EXT1: variants seen among roughly 807,000 people sequenced by gnomAD.
EXT1 encodes exostosin-1.
A neutral mutation model predicts 82.5 loss-of-function variants in EXT1; 20 were observed. The observed-to-expected ratio is 0.24, with a 90% CI of 0.17 to 0.35. EXT1 has a LOEUF of 0.35. Among genes scored for constraint, EXT1 ranks in the 10% least tolerant of loss-of-function variants. The probability of loss-of-function intolerance (pLI) is 1.00; values close to 1 mark genes in which losing one functional copy is unlikely to be tolerated. For missense variants in EXT1, 757 were observed against 936.5 expected, an observed-to-expected ratio of 0.81 and a Z score of 2.50; for synonymous variants, 348 against 350.8, an observed-to-expected ratio of 0.99 and a Z score of 0.09.
intron 4 of EXT1, 88 bp from the exon 5 acceptor site, chr8:117,822,685 G>A (rs1689858982): frequency 4.7e-6 from 7 of 1,489,264 alleles, no homozygotes; most frequent in South Asian, 3.4e-5. Flanking sequence ...GAAAGATGGT[G>A]GCAGTCAGAG....
intron 1 of EXT1, among the ~76,000 whole-genome samples, chr8:117,889,861 C>T (rs1484160546): frequency 2.0e-5 from 3 of 152,156 alleles, no homozygotes; most frequent in African/African-American, 7.2e-5. Flanking sequence ...CACTTTACAG[C>T]ATAGAATAAC....
intron 1 of EXT1, among the ~76,000 whole-genome samples, chr8:117,929,673 C>T (rs1814014590): frequency 6.6e-6 from 1 of 152,140 alleles, no homozygotes; most frequent in South Asian, 2.1e-4. Flanking sequence ...AAGGAGTATG[C>T]CAAAGGTGAA....
chr8:117,843,523 A>C (rs1301984851), intron 1 of EXT1, among the ~76,000 whole-genome samples: 1 of 152,144 alleles, frequency 6.6e-6, no homozygotes, highest in African/African-American at 2.4e-5. Flanking sequence ...GCATAGCAGG[A>C]ACAAAGGCAC....
chr8:118,045,891 G>A (rs1816615062), intron 1 of EXT1, among the ~76,000 whole-genome samples: 2 of 151,896 alleles, frequency 1.3e-5, no homozygotes, highest in African/African-American at 4.8e-5. Flanking sequence ...CAACTCCCAG[G>A]TTGAAGCGAT....
At chr8:117,843,701 C>T (rs911761494) in intron 1 of EXT1, among the ~76,000 whole-genome samples, 3 of 152,136 alleles carry the variant, frequency 2.0e-5, no homozygotes, top group Admixed American at 6.6e-5. Context: ...AGAAGAATGA[C>T]ATGGTACCAA....
chr8:117,944,857 A>T (rs1475369479), intron 1 of EXT1, among the ~76,000 whole-genome samples: 2 of 152,170 alleles, frequency 1.3e-5, no homozygotes, highest in Non-Finnish European at 2.9e-5. Context: ...GTCTATGCTC[A>T]GTGCTAAAAA....
intron 5 of EXT1, 31 bp from the exon 6 acceptor site, chr8:117,819,825 AAGC>A (rs777244016): frequency 1.3e-6 from 2 of 1,589,616 alleles, no homozygotes; most frequent in Non-Finnish European, 8.6e-7. Flanking sequence ...GAGCCTAATG[AAGC>A]GCTGGAAAGC....
chr8:117,831,645 TA>T (rs1812100299), intron 3 of EXT1: 4 of 471,070 alleles, frequency 8.5e-6, no homozygotes, highest in Non-Finnish European at 1.8e-5. Flanking sequence ...ATCCGACAGA[TA>T]TGGGAGTCTG....
At chr8:117,896,796 A>T (rs1813346726) in intron 1 of EXT1, among the ~76,000 whole-genome samples, 1 of 152,196 alleles carries the variant, frequency 6.6e-6, no homozygotes, top group Non-Finnish European at 1.5e-5. Context: ...AGTCTTCTTA[A>T]TTACATTGAG....
At chr8:118,091,356 C>A (rs557020788) in intron 1 of EXT1, among the ~76,000 whole-genome samples, 16 of 152,272 alleles carry the variant, frequency 1.1e-4, no homozygotes, top group African/African-American at 3.1e-4. Context: ...CTATTTCGAA[C>A]CTCAAGGAGG....
chr8:117,977,658 T>C (rs1275045253), intron 1 of EXT1, among the ~76,000 whole-genome samples: 2 of 152,124 alleles, frequency 1.3e-5, no homozygotes, highest in Admixed American at 1.3e-4. Flanking sequence ...AATCCTTGCA[T>C]GAAAGAAAAT....
chr8:117,917,207 C>A (rs895280084), intron 1 of EXT1, among the ~76,000 whole-genome samples: 1 of 152,152 alleles, frequency 6.6e-6, no homozygotes, highest in Admixed American at 6.5e-5. Flanking sequence ...GGCGCTGTGG[C>A]TCACACCTGT....
At chr8:117,921,610 T>C (rs1466473103) in intron 1 of EXT1, among the ~76,000 whole-genome samples, 1 of 152,202 alleles carries the variant, frequency 6.6e-6, no homozygotes, top group Non-Finnish European at 1.5e-5. Context: ...CTGATGTCCA[T>C]ACAGATAAAA....
chr8:118,036,039 C>A (rs776550723), intron 1 of EXT1, among the ~76,000 whole-genome samples: 1 of 151,658 alleles, frequency 6.6e-6, no homozygotes, highest in Non-Finnish European at 1.5e-5. Context: ...TTTTACTATT[C>A]TGTTTCTTGC....
At chr8:118,007,213 C>T (rs956503084) in intron 1 of EXT1, among the ~76,000 whole-genome samples, 2 of 151,976 alleles carry the variant, frequency 1.3e-5, no homozygotes, top group Non-Finnish European at 2.9e-5. Context: ...AGGAGAACGG[C>T]GTGAACCCAG....
intron 1 of EXT1, among the ~76,000 whole-genome samples, chr8:117,839,734 C>T (rs1812244614): frequency 6.6e-6 from 1 of 152,224 alleles, no homozygotes; most frequent in African/African-American, 2.4e-5. Context: ...TCCTCTCCTA[C>T]TCAGCCCATT....
At chr8:117,964,073 A>G (rs560518014) in intron 1 of EXT1, among the ~76,000 whole-genome samples, 24 of 152,344 alleles carry the variant, frequency 1.6e-4, no homozygotes, top group Non-Finnish European at 2.2e-4. Context: ...GTGCATTGCC[A>G]AAGAAACTGC....
intron 3 of EXT1, among the ~76,000 whole-genome samples, chr8:117,833,578 G>A (rs1022426868): frequency 9.9e-5 from 15 of 151,380 alleles, no homozygotes; most frequent in Non-Finnish European, 2.9e-5. Context: ...TCATGCCATG[G>A]CACTCCAGCT....
At chr8:117,816,847 G>C (rs889281758) in intron 7 of EXT1, among the ~76,000 whole-genome samples, 1 of 152,182 alleles carries the variant, frequency 6.6e-6, no homozygotes, top group Admixed American at 6.5e-5. Flanking sequence ...TTATCCACCA[G>C]AAGCAGAGCT....
Sources: gnomAD v4.1 joint callset for allele counts (sites outside exome capture counted in the v4.1 genomes callset) on GRCh38, gnomAD v4.1.1 for gene constraint, MANE v1.5 for transcripts, NCBI Gene and HGNC (gene_info 2026-07-23, HGNC 2026-07-21) for gene names.